DYRK4: variants seen among roughly 807,000 people sequenced by gnomAD.
The protein encoded by DYRK4 is dual specificity tyrosine phosphorylation regulated kinase 4.
Under a neutral mutation model 68.3 loss-of-function variants are expected in DYRK4, and 64 were observed. The observed-to-expected ratio is 0.94, with a 90% confidence interval of 0.77 to 1.15. The LOEUF is 1.15. DYRK4 is among the 50% of genes most tolerant of loss of function. The pLI is 0.00. For missense variants in DYRK4, 740 were observed against 764.7 expected (o/e 0.97, Z 0.38); for synonymous variants, 274 against 289.9 (o/e 0.95, Z 0.56).
chr12:4,602,222 C>G, intron 10 of DYRK4: 6 of 1,016,382 alleles, frequency 5.9e-6, no homozygotes, highest in Non-Finnish European at 9.2e-6. Flanking sequence ...ATCTGCTTTG[C>G]TTGCTGAATT....
chr12:4,579,467 C>T (rs1256769175), intron 2 of DYRK4, among the ~76,000 whole-genome samples: 1 of 152,090 alleles, frequency 6.6e-6, no homozygotes, highest in Non-Finnish European at 1.5e-5. Flanking sequence ...CACTGACATG[C>T]CGGTCACTTT....
intron 2 of DYRK4, among the ~76,000 whole-genome samples, chr12:4,583,462 C>G (rs1381284317): frequency 1.3e-5 from 2 of 152,090 alleles, no homozygotes; most frequent in African/African-American, 4.8e-5. Context: ...ACCATTCCCT[C>G]TTGTATTAAT....
At chr12:4,603,924 A>G (rs1168920669) in intron 10 of DYRK4, among the ~76,000 whole-genome samples, 2 of 152,050 alleles carry the variant, frequency 1.3e-5, no homozygotes, top group African/African-American at 4.8e-5. Flanking sequence ...TTTTATCTTT[A>G]TTTTAACTGT....
chr12:4,590,584 C>T (rs1282324064), intron 4 of DYRK4, 144 bp downstream of exon 4: 1 of 1,403,962 alleles, frequency 7.1e-7, no homozygotes, highest in Non-Finnish European at 9.2e-7. Flanking sequence ...TCATTCTTTA[C>T]AATGACTATA....
At chr12:4,566,358 A>C (rs1463248971) in intron 1 of DYRK4, among the ~76,000 whole-genome samples, 1 of 152,192 alleles carries the variant, frequency 6.6e-6, no homozygotes, top group African/African-American at 2.4e-5. Flanking sequence ...ATGTCCAAGG[A>C]CAGTGCTCAA....
rs1311712231 is a variant in DYRK4 at position 4,613,608 on chromosome 12, G to A, written c.1760G>A (p.Gly587Glu). 1 of 1,614,156 alleles carries A rather than the reference G, an allele frequency of 6.2e-7. No homozygotes were observed. The highest frequency in any genetic ancestry group is 8.5e-7 in the Non-Finnish European group (1 of 1,180,004). The change falls in exon 15 of 15, where the codon GGA becomes GAA. Residue 587 changes from glycine to glutamate, a missense_variant. By Grantham distance (98) the Gly-to-Glu change is moderately conservative. Coordinates refer to ENST00000543431, the MANE Select transcript of DYRK4 (RefSeq NM_001394779.1). This position sits in a 1 kb window ranked among gnomAD's most constrained non-coding sequence, Gnocchi z 4.0. ...SGDQQDCLQH[G>E]ADTVQLPQLV... ...GATCAGCAGGACTGTCTCCAGCACG[G>A]AGCTGACACTGTTCAGCTGCCTCAA...
At chr12:4,580,875 A>G (rs1944835364) in intron 2 of DYRK4, 1 of 455,826 alleles carries the variant, frequency 2.2e-6, no homozygotes, top group Non-Finnish European at 4.4e-6. Context: ...CCTGTGAAGT[A>G]TGACTGAGGC....
intron 8 of DYRK4, among the ~76,000 whole-genome samples, chr12:4,598,682 T>C (rs1405981405): frequency 6.6e-6 from 1 of 152,174 alleles, no homozygotes; most frequent in Non-Finnish European, 1.5e-5. Flanking sequence ...TGGCTGCTTG[T>C]TTGAGTGACT....
intron 8 of DYRK4, 89 bp downstream of exon 8, chr12:4,596,818 T>A: frequency 6.3e-7 from 1 of 1,582,964 alleles, no homozygotes; most frequent in African/African-American, 1.4e-5. Flanking sequence ...TTTCTCTGGA[T>A]GTGAATATTT....
intron 3 of DYRK4, chr12:4,590,054 T>C (rs1944935839): frequency 1.0e-6 from 1 of 972,290 alleles, no homozygotes; most frequent in Non-Finnish European, 1.3e-6. Context: ...AGTGATGAAA[T>C]AATTGAGGTT....
At chr12:4,590,244 T>C (rs1245243190) in intron 3 of DYRK4, 86 bp from the exon 4 acceptor site, 4 of 1,455,816 alleles carry the variant, frequency 2.7e-6, no homozygotes, top group African/African-American at 1.4e-5. Flanking sequence ...TGTTGGGGAA[T>C]TGGGAAGGGA....
intron 2 of DYRK4, among the ~76,000 whole-genome samples, chr12:4,582,958 G>A (rs1805685284): frequency 6.6e-6 from 1 of 152,166 alleles, no homozygotes; most frequent in South Asian, 2.1e-4. Context: ...AGGCCACTCA[G>A]GAGGAAGGGT....
At chr12:4,578,740 G>A (rs1054274706) in intron 2 of DYRK4, among the ~76,000 whole-genome samples, 1 of 152,164 alleles carries the variant, frequency 6.6e-6, no homozygotes, top group Admixed American at 6.5e-5. Flanking sequence ...GAGTCTGAGA[G>A]AGTATGAATG....
chr12:4,571,986 A>T (rs893280737), intron 2 of DYRK4, among the ~76,000 whole-genome samples: 4 of 152,132 alleles, frequency 2.6e-5, no homozygotes, highest in Admixed American at 1.3e-4. Context: ...TTATTCATTT[A>T]TTTCCTCTAC....
chr12:4,612,571 G>A lies in DYRK4; in HGVS notation c.1519G>A (p.Asp507Asn). 2 of 1,614,190 alleles carry A rather than the reference G, an allele frequency of 1.2e-6. No individual in the cohort carries two copies. The highest frequency in any genetic ancestry group is 1.7e-6 in the Non-Finnish European group (2 of 1,180,028). Residue 507 changes from aspartate to asparagine, a missense_variant, in exon 14 of 15, where the codon GAC becomes AAC. This residue lies in a region of DYRK4 where 614 missense variants were observed against 603.7 expected (regional missense o/e 1.02). Transcript: ENST00000543431. ...VWEPSLRMTP[D>N]QALKHAWIHQ... ...GGAACCTTCTCTTCGCATGACCCCG[G>A]ACCAGGCCCTCAAGCATGCTTGGAT... is the stretch of plus-strand genomic sequence containing the variant.
Position 4,567,256 on chromosome 12 carries a change from C to T in DYRK4, c.39-699C>T, listed in dbSNP as rs555492802. On this transcript the variant is annotated intron_variant, in intron 1 of 14. Coordinates refer to ENST00000543431, the MANE Select transcript of DYRK4 (RefSeq NM_001394779.1). ...GCTGTCATAATATTTGCATTGGTTC[C>T]TGTTCTGCCCTTGTTTCTTGTATTC... 3.3e-5 allele frequency: 5 copies of T among 152,302 alleles called. No individual in the cohort carries two copies. In the East Asian group the frequency reaches 5.8e-4, roughly 18 times the overall value. The allele number at this position is 152,302 out of a possible 1,614,324, so 9.4% of individuals were successfully genotyped here.
At chr12:4,605,312 C>T (rs144329551) in intron 11 of DYRK4, among the ~76,000 whole-genome samples, 1 of 152,006 alleles carries the variant, frequency 6.6e-6, no homozygotes, top group Non-Finnish European at 1.5e-5. Flanking sequence ...ATGTCATTTC[C>T]ATCATATTGT....
Position 4,590,316 on chromosome 12 carries a change from T to C in DYRK4, c.214-14T>C. The C allele has an allele frequency of 6.5e-7, 1 of 1,528,484 alleles. No individual in the cohort carries two copies. The highest frequency in any genetic ancestry group is 1.2e-5 in the South Asian group (1 of 82,258). The allele number at this position is 1,528,484 out of a possible 1,614,324, so 94.7% of individuals were successfully genotyped here. A position where few individuals can be genotyped will look rare whatever the true frequency, so the allele number is the denominator to read the frequency against. ...CTAAGGCTTTTGTAACACATGCAAT[T>C]TCTCCTTCTACAGAACACCAGTGTT... On this transcript the variant is annotated splice_polypyrimidine_tract_variant and intron_variant, in intron 3 of 14. Transcript: ENST00000543431.
At chr12:4,587,334 A>G (rs1944907775) in intron 2 of DYRK4, among the ~76,000 whole-genome samples, 1 of 152,120 alleles carries the variant, frequency 6.6e-6, no homozygotes, top group South Asian at 2.1e-4. Flanking sequence ...CCCATTCAGA[A>G]GAGCGCCCCC....
Sources: allele counts gnomAD v4.1 joint callset (sites outside exome capture counted in the v4.1 genomes callset), GRCh38; gene constraint gnomAD v4.1.1; regional missense constraint gnomAD v4.1.1; non-coding constraint Gnocchi (gnomAD v3.1); transcripts MANE v1.5; gene names NCBI Gene and HGNC (gene_info 2026-07-23, HGNC 2026-07-21).